Variants in NLGN1 observed in about 807,000 individuals in gnomAD.
NLGN1 encodes neuroligin 1.
In NLGN1, 12 loss-of-function variants were observed where a neutral mutation model predicts 65.5. The observed-to-expected ratio is 0.18, with a 90% confidence interval of 0.12 to 0.30. NLGN1 has a LOEUF of 0.30. Ranked by LOEUF, NLGN1 falls within the 10% of genes least tolerant of loss-of-function variation. NLGN1 has a pLI of 1.00. For missense variants in NLGN1, 750 were observed against 1,007.1 expected, an observed-to-expected ratio of 0.74 and a Z score of 3.46; for synonymous variants, 350 against 359.5, an observed-to-expected ratio of 0.97 and a Z score of 0.30.
At chr3:173,950,620 C>A (rs1157673132) in intron 4 of NLGN1, among the ~76,000 whole-genome samples, 1 of 151,920 alleles carries the variant, frequency 6.6e-6, no homozygotes, top group Non-Finnish European at 1.5e-5. Context: ...CAAGAACAGC[C>A]TGGCCAATGT....
At chr3:173,550,648 GA>G (rs1740681945) in intron 2 of NLGN1, among the ~76,000 whole-genome samples, 1 of 31,468 alleles carries the variant, frequency 3.2e-5, no homozygotes, top group African/African-American at 2.0e-4. Context: ...ATGTCTTTTT[GA>G]GACCATTAGA....
At chr3:173,452,401 T>A (rs1721752043) in intron 2 of NLGN1, among the ~76,000 whole-genome samples, 1 of 152,098 alleles carries the variant, frequency 6.6e-6, no homozygotes, top group South Asian at 2.1e-4. Context: ...TTAGCTAGGA[T>A]AGTCTCGATC....
chr3:173,433,366 C>T (rs1717551137), intron 1 of NLGN1, among the ~76,000 whole-genome samples: 1 of 152,156 alleles, frequency 6.6e-6, no homozygotes. Context: ...CCCTCCCTGT[C>T]TGAAACCTCT....
At chr3:173,827,408 G>C (rs550951482) in intron 4 of NLGN1, among the ~76,000 whole-genome samples, 1 of 152,136 alleles carries the variant, frequency 6.6e-6, no homozygotes, top group African/African-American at 2.4e-5. Context: ...TTCGGAGAGA[G>C]GATGCCTGAG....
At chr3:173,936,679 T>A (rs1745128860) in intron 4 of NLGN1, among the ~76,000 whole-genome samples, 1 of 152,080 alleles carries the variant, frequency 6.6e-6, no homozygotes, top group African/African-American at 2.4e-5. Context: ...GATTCTATCA[T>A]TTTTTAGGTC....
At chr3:174,116,597 C>G (rs182470401) in intron 4 of NLGN1, among the ~76,000 whole-genome samples, 1 of 151,938 alleles carries the variant, frequency 6.6e-6, no homozygotes, top group Non-Finnish European at 1.5e-5. Flanking sequence ...CTTGGCCTTC[C>G]GAAGTGCTGG....
chr3:174,074,138 G>A (rs1319660523), intron 4 of NLGN1, among the ~76,000 whole-genome samples: 2 of 151,964 alleles, frequency 1.3e-5, no homozygotes, highest in Non-Finnish European at 2.9e-5. Context: ...CAGTGTAGAG[G>A]GAGCATCTCA....
intron 4 of NLGN1, among the ~76,000 whole-genome samples, chr3:174,081,715 A>G (rs150703753): frequency 0.036 from 5,383 of 151,224 alleles, 129 homozygotes; most frequent in Non-Finnish European, 0.054. Flanking sequence ...GGGATTACAG[A>G]CATGTGCCAC....
chr3:173,590,572 A>C (rs1049295231), intron 2 of NLGN1, among the ~76,000 whole-genome samples: 2 of 152,192 alleles, frequency 1.3e-5, no homozygotes, highest in Non-Finnish European at 1.5e-5. Flanking sequence ...TACCTGGTAC[A>C]TAACTGGAAA....
chr3:173,821,879 A>G (rs1720375707), intron 4 of NLGN1, among the ~76,000 whole-genome samples: 1 of 152,212 alleles, frequency 6.6e-6, no homozygotes, highest in East Asian at 1.9e-4. Context: ...TGTGCTAGAA[A>G]GTATTTGTGA....
intron 4 of NLGN1, among the ~76,000 whole-genome samples, chr3:173,971,636 C>T (rs1716258070): frequency 6.6e-6 from 1 of 152,024 alleles, no homozygotes; most frequent in Admixed American, 6.6e-5. Flanking sequence ...TAAAGTAAGG[C>T]ATCAAACCAC....
intron 4 of NLGN1, among the ~76,000 whole-genome samples, chr3:174,119,695 G>A (rs866038351): frequency 3.3e-5 from 5 of 152,140 alleles, no homozygotes; most frequent in Non-Finnish European, 5.9e-5. Flanking sequence ...AACTTAGAAA[G>A]TGCTCTGGGA....
intron 4 of NLGN1, among the ~76,000 whole-genome samples, chr3:173,833,476 A>G (rs1722995832): frequency 6.6e-6 from 1 of 151,798 alleles, no homozygotes; most frequent in Non-Finnish European, 1.5e-5. Context: ...TCCTTTGTCT[A>G]TGCATGCTGC....
intron 4 of NLGN1, among the ~76,000 whole-genome samples, chr3:173,862,458 A>G (rs1431244649): frequency 7.0e-6 from 1 of 142,602 alleles, no homozygotes; most frequent in Non-Finnish European, 1.5e-5. Flanking sequence ...GTGAGCCGAG[A>G]TCCCGCCACT....
chr3:174,128,702 C>T (rs1333690725), intron 4 of NLGN1, among the ~76,000 whole-genome samples: 1 of 152,102 alleles, frequency 6.6e-6, no homozygotes, highest in Non-Finnish European at 1.5e-5. Context: ...GTAACTTGTC[C>T]ATTTCGGGAC....
rs994764428 is a variant in NLGN1 at position 173,818,704 on chromosome 3, A to T, written c.646+10872A>T. Among the ~76,000 whole-genome samples, 14 of 152,120 alleles carry T rather than the reference A, an allele frequency of 9.2e-5. No homozygotes were observed. The South Asian group carries it at 2.9e-3, about 32-fold the overall frequency. On this transcript the variant is annotated intron_variant, in intron 4 of 6. Transcript: ENST00000457714. ...CTTGGAACTTTGCAGAGAAAATAAAACGTTCTCTTCTTCACCTGCCTATAA... is the reference window on the plus strand; with the variant it reads ...CTTGGAACTTTGCAGAGAAAATAAATCGTTCTCTTCTTCACCTGCCTATAA...
intron 3 of NLGN1, among the ~76,000 whole-genome samples, chr3:173,786,165 T>G (rs35225306): frequency 0.14 from 21,224 of 152,096 alleles, 2,111 homozygotes; most frequent in African/African-American, 0.29. Flanking sequence ...GAGAAGCACT[T>G]TCTAGAGAAC....
rs553564934 is a variant in NLGN1, at chr3:173,459,588, T to C, written c.-321+24510T>C. On this transcript the variant is annotated intron_variant, in intron 2 of 6. Coordinates refer to ENST00000457714, the Ensembl canonical transcript of NLGN1. ...TATTTCATTGTAGAAAACAAGATCA[T>C]GAGAAACCATGGAAGTTTTTTCCGG... 2.8e-4 allele frequency among the ~76,000 whole-genome samples: 43 copies of C among 152,238 alleles called. No homozygotes were observed. The South Asian group carries it at 8.7e-3, about 31-fold the overall frequency.
At position 173,753,094 on chromosome 3, in the gene NLGN1, C is replaced by T. The variant is rs963902407; in HGVS notation, c.494-54586C>T. Among the ~76,000 whole-genome samples the T allele has an allele frequency of 3.3e-5, 5 of 152,056 alleles. No individual in the cohort carries two copies. In the South Asian group the frequency reaches 8.3e-4, roughly 25 times the overall value. The stretch of plus-strand genomic sequence containing the variant: ...TTTTCACTGTCTACTCAGTTGTTTT[C>T]GTCAGCATGTGAACATGCTACAGGT... On this transcript the variant is annotated intron_variant, in intron 3 of 6. Transcript: ENST00000457714.
Sources: gnomAD v4.1 joint callset for allele counts (sites outside exome capture counted in the v4.1 genomes callset) on GRCh38, gnomAD v4.1.1 for gene constraint, MANE v1.5 for transcripts, NCBI Gene and HGNC (gene_info 2026-07-23, HGNC 2026-07-21) for gene names.